AP2A2: variants seen among roughly 807,000 people sequenced by gnomAD.
AP2A2 encodes the protein adaptor related protein complex 2 subunit alpha 2.
Under a neutral mutation model 104.2 loss-of-function variants are expected in AP2A2, and 32 were observed. That is an observed-to-expected ratio of 0.31 (90% CI 0.23 to 0.41). The LOEUF is 0.41. AP2A2 is among the 10% of genes least tolerant of loss of function. The pLI is 1.00. For missense variants in AP2A2, 912 were observed against 1,261.0 expected (o/e 0.72, Z 4.19); for synonymous variants, 539 against 533.3 (o/e 1.01, Z -0.15).
At chr11:979,507 C>A (rs1564806144) in intron 5 of AP2A2, among the ~76,000 whole-genome samples, 1 of 152,082 alleles carries the variant, frequency 6.6e-6, no homozygotes, top group Non-Finnish European at 1.5e-5. Context: ...TGCACCCCAG[C>A]CTGGCTGAGG....
At chr11:964,292 G>A (rs1854539625) in intron 2 of AP2A2, among the ~76,000 whole-genome samples, 1 of 152,244 alleles carries the variant, frequency 6.6e-6, no homozygotes, top group Non-Finnish European at 1.5e-5. Flanking sequence ...CCCTGTTTGA[G>A]TGGGGCATCA....
intron 9 of AP2A2, among the ~76,000 whole-genome samples, 196 bp from the exon 10 acceptor site, chr11:988,356 G>A (rs1476529204): frequency 6.6e-6 from 1 of 152,224 alleles, no homozygotes; most frequent in Non-Finnish European, 1.5e-5. Flanking sequence ...CGGGAGGGCC[G>A]GGCCAGCAGG....
chr11:929,031 C>T (rs1853206916), intron 1 of AP2A2, among the ~76,000 whole-genome samples: 1 of 152,176 alleles, frequency 6.6e-6, no homozygotes, highest in East Asian at 1.9e-4. Context: ...GAGAAGACCT[C>T]ACAAGGAAGG....
chr11:981,391 C>G (rs1197452584), intron 6 of AP2A2, 92 bp downstream of exon 6: 2 of 1,169,444 alleles, frequency 1.7e-6, no homozygotes, highest in African/African-American at 3.1e-5. Context: ...GGTATTTGAT[C>G]AGTTTATAAA....
At position 993,773 on chromosome 11, in the gene AP2A2, C is replaced by G; in HGVS notation, c.1570C>G (p.Leu524Val). 1.2e-6 allele frequency: 2 copies of G among 1,601,604 alleles called. No homozygotes were observed. The highest frequency in any genetic ancestry group is 1.7e-6 in the Non-Finnish European group (2 of 1,176,778). Residue 524 changes from leucine (L) to valine (V), a missense_variant, in exon 13 of 22, where the codon CTG becomes GTG. Coordinates refer to ENST00000448903, the MANE Select transcript of AP2A2 (RefSeq NM_012305.4). The surrounding 1 kb of genome is among the most constrained non-coding windows in gnomAD (Gnocchi z 8.2). ...PRSSPLIQFH[L>V]LHSKFHLCSV... ...CCCCAGCCCGCTGATCCAGTTCCAC[C>G]TGCTGCACTCCAAGTTCCACCTGTG...
chr11:979,330 C>T (rs1855161387), intron 5 of AP2A2, among the ~76,000 whole-genome samples: 1 of 151,464 alleles, frequency 6.6e-6, no homozygotes, highest in Non-Finnish European at 1.5e-5. Context: ...CAGTTTCTTA[C>T]AAGTTCTTTA....
intron 6 of AP2A2, among the ~76,000 whole-genome samples, chr11:982,772 T>C (rs1412860940): frequency 6.6e-6 from 1 of 151,224 alleles, no homozygotes; most frequent in African/African-American, 2.4e-5. Context: ...TGCCTCAGCC[T>C]CCCGAGTAGC....
At chr11:940,790 C>T (rs1853620407) in intron 1 of AP2A2, 3 of 456,068 alleles carry the variant, frequency 6.6e-6, no homozygotes, top group Middle Eastern at 3.2e-4. Context: ...GCCTGCCAAC[C>T]TGAAGGGCTT....
At chr11:962,782 T>G (rs560667806) in intron 2 of AP2A2, among the ~76,000 whole-genome samples, 2 of 152,288 alleles carry the variant, frequency 1.3e-5, no homozygotes, top group East Asian at 3.9e-4. Flanking sequence ...GTTTTGGGAC[T>G]AAAGGAGACT....
chr11:1,004,728 A>T (rs1000124621), intron 16 of AP2A2, among the ~76,000 whole-genome samples: 1 of 152,140 alleles, frequency 6.6e-6, no homozygotes, highest in African/African-American at 2.4e-5. Context: ...GTGAGCTGAG[A>T]TCTTGCCACT....
At chr11:929,707 CAT>C (rs1178152551) in intron 1 of AP2A2, among the ~76,000 whole-genome samples, 1 of 150,360 alleles carries the variant, frequency 6.7e-6, no homozygotes, top group Non-Finnish European at 1.5e-5. Flanking sequence ...GAGGTGAGAG[CAT>C]TGTCTGAGCC....
intron 1 of AP2A2, among the ~76,000 whole-genome samples, chr11:934,983 G>T (rs759935305): frequency 6.7e-6 from 1 of 149,694 alleles, no homozygotes; most frequent in African/African-American, 2.5e-5. Flanking sequence ...CTCAGCCTCC[G>T]GAGTAGCTGG....
intron 1 of AP2A2, among the ~76,000 whole-genome samples, chr11:937,375 G>A (rs966482590): frequency 2.0e-5 from 3 of 152,102 alleles, no homozygotes; most frequent in African/African-American, 7.2e-5. Context: ...CCAGAAAGAG[G>A]CCTTCAGTGC....
chr11:988,994 T>TA (rs888444512), intron 10 of AP2A2, among the ~76,000 whole-genome samples: 36 of 151,304 alleles, frequency 2.4e-4, no homozygotes, highest in Admixed American at 7.9e-4. Flanking sequence ...GACCCTGTCT[T>TA]AAAAAAAAAT....
intron 1 of AP2A2, among the ~76,000 whole-genome samples, chr11:940,348 T>C (rs748506109): frequency 1.3e-5 from 2 of 152,190 alleles, no homozygotes; most frequent in African/African-American, 2.4e-5. Context: ...GTGGAAAATA[T>C]TCTTGTTGTA....
At chr11:981,056 G>A (rs778230445) in intron 5 of AP2A2, 142 bp from the exon 6 acceptor site, 1 of 619,396 alleles carries the variant, frequency 1.6e-6, no homozygotes, top group Non-Finnish European at 2.8e-6. Context: ...AACATTGTAG[G>A]TTTCTCGGAG....
chr11:982,243 G>C (rs566974714), intron 6 of AP2A2, among the ~76,000 whole-genome samples: 62 of 152,090 alleles, frequency 4.1e-4, no homozygotes, highest in Non-Finnish European at 7.9e-4. Flanking sequence ...CAGAGATGAG[G>C]TTTCACCATG....
chr11:927,797 CAG>C (rs1382160591), intron 1 of AP2A2, among the ~76,000 whole-genome samples: 1 of 108,472 alleles, frequency 9.2e-6, no homozygotes, highest in African/African-American at 3.7e-5. Flanking sequence ...GCCTGGGTGA[CAG>C]AGTGAGACCT....
At chr11:1,004,909 C>G (rs911514166) in intron 16 of AP2A2, among the ~76,000 whole-genome samples, 3 of 152,136 alleles carry the variant, frequency 2.0e-5, no homozygotes, top group Non-Finnish European at 2.9e-5. Context: ...TACAGTAGTG[C>G]GGGCACTGTG....
Sources: gnomAD v4.1 joint callset for allele counts (sites outside exome capture counted in the v4.1 genomes callset) on GRCh38, gnomAD v4.1.1 for gene constraint, Gnocchi (gnomAD v3.1) non-coding constraint, MANE v1.5 for transcripts, NCBI Gene and HGNC (gene_info 2026-07-23, HGNC 2026-07-21) for gene names.